HS6ST3: variants seen among roughly 807,000 people sequenced by gnomAD.
HS6ST3 encodes the protein heparan-sulfate 6-O-sulfotransferase 3.
Under a neutral mutation model 36.7 loss-of-function variants are expected in HS6ST3, and 12 were observed. The ratio of observed to expected loss-of-function variants is 0.33; its 90% CI spans 0.21 to 0.53. HS6ST3 has a LOEUF of 0.53. Among genes scored for constraint, HS6ST3 ranks in the 20% least tolerant of loss-of-function variants. The pLI, the probability that HS6ST3 is intolerant of heterozygous loss-of-function variation, is 0.95. For synonymous variants in HS6ST3, 240 were observed against 257.5 expected, an observed-to-expected ratio of 0.93 and a Z score of 0.65; for missense variants, 584 against 640.9, an observed-to-expected ratio of 0.91 and a Z score of 0.96.
intron 1 of HS6ST3, among the ~76,000 whole-genome samples, chr13:96,624,188 A>T (rs1435817301): frequency 3.3e-5 from 5 of 152,202 alleles, no homozygotes. Flanking sequence ...AAAGAATAAT[A>T]ATAAAGTGAA....
At chr13:96,609,965 G>A (rs867481431) in intron 1 of HS6ST3, among the ~76,000 whole-genome samples, 1 of 152,150 alleles carries the variant, frequency 6.6e-6, no homozygotes, top group African/African-American at 2.4e-5. Context: ...AACCTCATAA[G>A]AACAGCTATT....
At chr13:96,505,928 G>A (rs1002247932) in intron 1 of HS6ST3, among the ~76,000 whole-genome samples, 12 of 152,082 alleles carry the variant, frequency 7.9e-5, no homozygotes, top group Non-Finnish European at 4.4e-5. Context: ...GTTGGTTCAG[G>A]CTGTTTCTGA....
intron 1 of HS6ST3, among the ~76,000 whole-genome samples, chr13:96,752,471 A>G (rs1337590117): frequency 2.0e-5 from 3 of 152,178 alleles, no homozygotes; most frequent in African/African-American, 7.2e-5. Context: ...TTCATGGTGA[A>G]AGACGTTTTT....
chr13:96,287,336 T>C (rs2054808676), intron 1 of HS6ST3, among the ~76,000 whole-genome samples: 1 of 152,178 alleles, frequency 6.6e-6, no homozygotes, highest in South Asian at 2.1e-4. Context: ...AAAAATCTTA[T>C]ATAATGCCTT....
At chr13:96,432,091 GGAAACTTCCATTTCTTT>G in intron 1 of HS6ST3, among the ~76,000 whole-genome samples, 1 of 152,214 alleles carries the variant, frequency 6.6e-6, no homozygotes, top group East Asian at 1.9e-4. Context: ...GTATGGAAAT[GGAAACTTCCATTTCTTT>G]TTGCCCTTTT....
intron 1 of HS6ST3, among the ~76,000 whole-genome samples, chr13:96,103,471 C>T (rs1367082163): frequency 6.6e-6 from 1 of 152,112 alleles, no homozygotes; most frequent in South Asian, 2.1e-4. Context: ...GGCTGTCAAA[C>T]AAATGTTGAC....
At chr13:96,219,032 C>T (rs2054441589) in intron 1 of HS6ST3, among the ~76,000 whole-genome samples, 1 of 152,104 alleles carries the variant, frequency 6.6e-6, no homozygotes, top group African/African-American at 2.4e-5. Context: ...CACGAAGTTG[C>T]CCTTGGGACT....
chr13:96,609,845 T>G (rs1476558682), intron 1 of HS6ST3, among the ~76,000 whole-genome samples: 1 of 152,238 alleles, frequency 6.6e-6, no homozygotes, highest in Non-Finnish European at 1.5e-5. Flanking sequence ...TGATAATATT[T>G]GATGATGGAA....
intron 1 of HS6ST3, among the ~76,000 whole-genome samples, chr13:96,353,342 T>C (rs148451867): frequency 5.3e-5 from 8 of 152,164 alleles, no homozygotes; most frequent in African/African-American, 1.9e-4. Context: ...TTAATGGAAG[T>C]GAATAGGTTC....
intron 1 of HS6ST3, among the ~76,000 whole-genome samples, chr13:96,347,793 C>T (rs1326603714): frequency 6.6e-6 from 1 of 152,150 alleles, no homozygotes; most frequent in East Asian, 1.9e-4. Context: ...ATGATACTCT[C>T]CAGGTACTTA....
At chr13:96,350,312 A>G (rs889840119) in intron 1 of HS6ST3, among the ~76,000 whole-genome samples, 2 of 152,344 alleles carry the variant, frequency 1.3e-5, no homozygotes, top group Admixed American at 1.3e-4. Flanking sequence ...AGAAATAGCC[A>G]GCTTACATGT....
chr13:96,610,580 G>C (rs2056453789), intron 1 of HS6ST3, among the ~76,000 whole-genome samples: 1 of 152,020 alleles, frequency 6.6e-6, no homozygotes, highest in South Asian at 2.1e-4. Context: ...TGTATACCTT[G>C]GTGTCCAGAA....
Position 96,771,053 on chromosome 13 carries a change from A to G in HS6ST3, c.708-61437A>G, listed in dbSNP as rs577296444. ...TCTTTGCTATTGTGAGTAGTGCCAC[A>G]ATAAACATATGTGTGCATGTGTCTT... is the stretch of plus-strand genomic sequence containing the variant. On this transcript the variant is annotated intron_variant, in intron 1 of 1. Coordinates refer to ENST00000376705, the MANE Select transcript of HS6ST3 (RefSeq NM_153456.4). Among the ~76,000 whole-genome samples the G allele has an allele frequency of 2.5e-3, 375 of 152,278 alleles. 1 individual carries two copies. The Middle Eastern group carries it at 0.027, about 11-fold the overall frequency.
At chr13:96,358,910 ATCTATCT>A (rs1309540032) in intron 1 of HS6ST3, among the ~76,000 whole-genome samples, 11 of 152,044 alleles carry the variant, frequency 7.2e-5, no homozygotes, top group African/African-American at 2.7e-4. Flanking sequence ...CTATCTATCT[ATCTATCT>A]AGAGAGAGAT....
At chr13:96,717,755 T>C (rs1052166996) in intron 1 of HS6ST3, among the ~76,000 whole-genome samples, 36 of 152,294 alleles carry the variant, frequency 2.4e-4, no homozygotes, top group African/African-American at 8.7e-4. Flanking sequence ...AAATGGTGAA[T>C]GTGAACTTAA....
Position 96,759,088 on chromosome 13 carries a change from C to T in HS6ST3, c.708-73402C>T, listed in dbSNP as rs935191263. 5.3e-5 allele frequency among the ~76,000 whole-genome samples: 8 copies of T among 151,692 alleles called. No individual in the cohort carries two copies. In the South Asian group the frequency reaches 8.3e-4, roughly 16 times the overall value. On this transcript the variant is annotated intron_variant, in intron 1 of 1. Coordinates refer to ENST00000376705, the MANE Select transcript of HS6ST3 (RefSeq NM_153456.4). ...ACTCTATTTCTTGTCTTGGAGTTTA[C>T]TTTGTCTTACATTGATATATTACTA...
At chr13:96,822,153 G>A (rs909820716) in intron 1 of HS6ST3, among the ~76,000 whole-genome samples, 1 of 152,256 alleles carries the variant, frequency 6.6e-6, no homozygotes, top group Middle Eastern at 3.4e-3. Flanking sequence ...TGCTTTGCCC[G>A]GCTGGGATTA....
intron 1 of HS6ST3, among the ~76,000 whole-genome samples, chr13:96,581,500 G>T (rs555792265): frequency 1.1e-3 from 163 of 152,152 alleles, no homozygotes; most frequent in Non-Finnish European, 1.7e-3. Flanking sequence ...GGGATTACAG[G>T]TATGAGCCAC....
chr13:96,161,814 A>G (rs2054137173), intron 1 of HS6ST3, among the ~76,000 whole-genome samples: 1 of 152,224 alleles, frequency 6.6e-6, no homozygotes, highest in African/African-American at 2.4e-5. Context: ...TAAAATAGGA[A>G]TTCAGTAAGG....
Sources: gnomAD v4.1 joint callset for allele counts (sites outside exome capture counted in the v4.1 genomes callset) on GRCh38, gnomAD v4.1.1 for gene constraint, MANE v1.5 for transcripts, NCBI Gene and HGNC (gene_info 2026-07-23, HGNC 2026-07-21) for gene names.